The following ROBO1 variants were observed in gnomAD, a reference collection of about 807,000 sequenced individuals.
ROBO1 encodes the protein roundabout guidance receptor 1.
A neutral mutation model predicts 195.9 loss-of-function variants in ROBO1; 149 were observed. That is an observed-to-expected ratio of 0.76 (90% confidence interval 0.67 to 0.87). The LOEUF (loss-of-function observed/expected upper bound fraction) is 0.87. ROBO1 is among the 40% of genes least tolerant of loss of function. ROBO1 has a pLI of 0.00. For missense variants in ROBO1, 1,933 were observed against 2,068.3 expected, an observed-to-expected ratio of 0.93 and a Z score of 1.27; for synonymous variants, 816 against 733.2, an observed-to-expected ratio of 1.11 and a Z score of -1.82.
chr3:78,901,446 T>C (rs2037581522), intron 4 of ROBO1, among the ~76,000 whole-genome samples: 1 of 152,186 alleles, frequency 6.6e-6, no homozygotes, highest in Admixed American at 6.5e-5. Flanking sequence ...CATTTTACTT[T>C]AAAATATAGT....
intron 2 of ROBO1, among the ~76,000 whole-genome samples, chr3:79,513,106 T>G (rs1017737581): frequency 6.6e-6 from 1 of 152,078 alleles, no homozygotes; most frequent in Non-Finnish European, 1.5e-5. Context: ...CCATGGAAGA[T>G]AACAAATAGC....
chr3:78,851,284 A>G (rs768777518), intron 4 of ROBO1, among the ~76,000 whole-genome samples: 1 of 152,208 alleles, frequency 6.6e-6, no homozygotes, highest in African/African-American at 2.4e-5. Flanking sequence ...AAAGGATAAC[A>G]TGTTTTATTA....
intron 2 of ROBO1, among the ~76,000 whole-genome samples, chr3:79,222,248 T>C (rs1272685360): frequency 6.6e-6 from 1 of 152,132 alleles, no homozygotes; most frequent in Admixed American, 6.6e-5. Context: ...ATGTGTGATG[T>C]AAATGGAAAG....
intron 4 of ROBO1, among the ~76,000 whole-genome samples, chr3:78,860,302 C>CTATATATATATA (rs1200780060): frequency 2.0e-4 from 21 of 104,730 alleles, no homozygotes; most frequent in South Asian, 1.0e-3. Flanking sequence ...TTGAAATATA[C>CTATATATATATA]TATATATATA....
chr3:78,619,941 C>T (rs940808731), intron 26 of ROBO1, among the ~76,000 whole-genome samples: 3 of 151,088 alleles, frequency 2.0e-5, no homozygotes, highest in African/African-American at 7.3e-5. Context: ...TCACTTGAAC[C>T]CGAGAGGCAG....
intron 2 of ROBO1, among the ~76,000 whole-genome samples, chr3:79,518,616 C>G (rs1023458735): frequency 6.6e-6 from 1 of 151,968 alleles, no homozygotes; most frequent in Non-Finnish European, 1.5e-5. Flanking sequence ...AGAACATAAA[C>G]GAAAATGTAA....
chr3:79,455,048 C>T (rs995658694), intron 2 of ROBO1, among the ~76,000 whole-genome samples: 5 of 151,970 alleles, frequency 3.3e-5, no homozygotes, highest in African/African-American at 9.7e-5. Context: ...AATATGCTCA[C>T]TCTGAATATC....
rs146399545 is a variant in ROBO1, at chr3:79,457,903, C to G, written c.88+131921G>C. 5.9e-3 allele frequency among the ~76,000 whole-genome samples: 894 copies of G among 152,128 alleles called. 8 individuals are homozygous for G. Among genetic ancestry groups the G allele is most frequent in the African/African-American group, 0.02 (850 of 41,482 alleles). On this transcript the variant is annotated intron_variant, in intron 2 of 30. Coordinates refer to ENST00000464233, the MANE Select transcript of ROBO1 (RefSeq NM_002941.4). ...AATAGAGAAGAAAGAAAGAATGATA[C>G]AGGGAAAGAAGATGGAGGTGAAGGT...
intron 2 of ROBO1, chr3:79,526,551 A>G (rs1941441039): frequency 6.6e-6 from 1 of 152,240 alleles, no homozygotes; most frequent in African/African-American, 2.4e-5. Flanking sequence ...TGACCTGAAT[A>G]CATACGTCAT....
intron 3 of ROBO1, among the ~76,000 whole-genome samples, chr3:79,024,123 A>G (rs530396946): frequency 6.6e-6 from 1 of 152,322 alleles, no homozygotes; most frequent in Admixed American, 6.5e-5. Context: ...GCTTATTAAG[A>G]AATATAAATA....
At chr3:78,634,090 G>T in intron 23 of ROBO1, 48 bp from the exon 24 acceptor site, 2 of 1,266,006 alleles carry the variant, frequency 1.6e-6, no homozygotes, top group South Asian at 1.3e-5. Context: ...TTCTCTTCAT[G>T]AGCGATTTCA....
intron 2 of ROBO1, among the ~76,000 whole-genome samples, chr3:79,160,796 A>C (rs546527988): frequency 6.6e-6 from 1 of 152,178 alleles, no homozygotes; most frequent in Non-Finnish European, 1.5e-5. Flanking sequence ...TGGAAAAATT[A>C]AGAGCACTCA....
intron 2 of ROBO1, among the ~76,000 whole-genome samples, chr3:79,209,750 T>C (rs1389820073): frequency 6.6e-6 from 1 of 152,046 alleles, no homozygotes; most frequent in Non-Finnish European, 1.5e-5. Flanking sequence ...AGTCAAATGG[T>C]TGCTGTTTGC....
At chr3:79,711,935 G>A (rs1702294054) in intron 1 of ROBO1, among the ~76,000 whole-genome samples, 2 of 135,670 alleles carry the variant, frequency 1.5e-5, no homozygotes. Flanking sequence ...GGGTGGGTGG[G>A]GGAGCACTAT....
chr3:78,978,116 T>C (rs1044886981), intron 3 of ROBO1, among the ~76,000 whole-genome samples: 94 of 152,268 alleles, frequency 6.2e-4, no homozygotes, highest in African/African-American at 2.2e-3. Flanking sequence ...ATTTCAAAAA[T>C]TATCAGATTG....
chr3:79,633,879 G>A (rs1210918747), intron 1 of ROBO1, among the ~76,000 whole-genome samples: 3 of 152,066 alleles, frequency 2.0e-5, no homozygotes, highest in Non-Finnish European at 4.4e-5. Context: ...CTGTGGTTCA[G>A]ATATAATCTG....
intron 2 of ROBO1, among the ~76,000 whole-genome samples, chr3:79,582,084 A>T (rs887597831): frequency 6.6e-6 from 1 of 151,862 alleles, no homozygotes; most frequent in Non-Finnish European, 1.5e-5. Context: ...TTTATTATGA[A>T]TTTAAGTTAA....
At chr3:79,346,149 C>G (rs1265286936) in intron 2 of ROBO1, among the ~76,000 whole-genome samples, 1 of 152,030 alleles carries the variant, frequency 6.6e-6, no homozygotes, top group Non-Finnish European at 1.5e-5. Context: ...GTAGATTGCT[C>G]TATATTGCTC....
chr3:79,464,599 AT>A (rs1343948435), intron 2 of ROBO1, among the ~76,000 whole-genome samples: 1 of 152,190 alleles, frequency 6.6e-6, no homozygotes, highest in African/African-American at 2.4e-5. Context: ...CATTTAAAAA[AT>A]TTATTTGCAT....
Sources: allele counts gnomAD v4.1 joint callset (sites outside exome capture counted in the v4.1 genomes callset), GRCh38; gene constraint gnomAD v4.1.1; transcripts MANE v1.5; gene names NCBI Gene and HGNC (gene_info 2026-07-23, HGNC 2026-07-21).